Variants in ENOX1 observed in about 807,000 individuals in gnomAD.
ENOX1 encodes the protein ecto-NOX disulfide-thiol exchanger 1, also known as candidate growth-related and time keeping constitutive hydroquinone (NADH) oxidase.
In ENOX1, 42 loss-of-function variants were observed where a neutral mutation model predicts 82.5. That is an observed-to-expected ratio of 0.51 (90% CI 0.40 to 0.66). The LOEUF (loss-of-function observed/expected upper bound fraction) is 0.66, where lower values mean the gene tolerates loss of function less well. Ranked by LOEUF, ENOX1 falls within the 30% of genes least tolerant of loss-of-function variation. The pLI is 0.00. For synonymous variants in ENOX1, 271 were observed against 282.2 expected (o/e 0.96, Z 0.40); for missense variants, 608 against 811.6 (o/e 0.75, Z 3.05).
intron 2 of ENOX1, among the ~76,000 whole-genome samples, chr13:43,506,530 T>G (rs1457198432): frequency 7.3e-6 from 1 of 137,318 alleles, no homozygotes; most frequent in African/African-American, 2.6e-5. Context: ...TAAAGACACA[T>G]GCACACATAT....
intron 10 of ENOX1, among the ~76,000 whole-genome samples, chr13:43,323,923 A>G (rs1048340736): frequency 1.3e-5 from 2 of 152,186 alleles, no homozygotes; most frequent in Non-Finnish European, 1.5e-5. Context: ...TGAATGGTCA[A>G]CTCTGTACCC....
chr13:43,578,748 C>A (rs1444720837), intron 2 of ENOX1, among the ~76,000 whole-genome samples: 1 of 152,140 alleles, frequency 6.6e-6, no homozygotes, highest in African/African-American at 2.4e-5. Flanking sequence ...TTGTCTGCAA[C>A]CACCCTTAGC....
In ENOX1 at chr13:43,569,496, C is replaced by T. The variant is rs76820886; in HGVS notation, c.-218-85344G>A. Reference sequence around the variant, plus strand: ...AGAGACCTATGTTCTCTTCTTGAAACCTTTGACTTCATTGTAGCTCACAGA... The same window carrying T: ...AGAGACCTATGTTCTCTTCTTGAAATCTTTGACTTCATTGTAGCTCACAGA... On this transcript the variant is annotated intron_variant, in intron 2 of 16. Transcript: ENST00000690772. 4.2e-3 allele frequency among the ~76,000 whole-genome samples: 640 copies of T among 152,256 alleles called. 20 individuals are homozygous for T. The highest frequency in any genetic ancestry group is 0.038 in the Admixed American group (577 of 15,292).
At chr13:43,348,020 C>A (rs2049505390) in intron 8 of ENOX1, among the ~76,000 whole-genome samples, 1 of 152,172 alleles carries the variant, frequency 6.6e-6, no homozygotes, top group Non-Finnish European at 1.5e-5. Context: ...TCCCTTCCAT[C>A]CGTCCGTCCC....
chr13:43,695,627 C>T (rs686244), intron 1 of ENOX1, among the ~76,000 whole-genome samples: 139,324 of 151,872 alleles, frequency 0.92, 64,193 homozygotes, highest in East Asian at 1. Flanking sequence ...TGTGTATTTT[C>T]AGTAGAGACG....
intron 9 of ENOX1, among the ~76,000 whole-genome samples, chr13:43,340,399 C>G (rs898843906): frequency 1.3e-5 from 2 of 152,236 alleles, no homozygotes; most frequent in African/African-American, 4.8e-5. Flanking sequence ...GATGTGTACA[C>G]CGTGGCCAGC....
At position 43,237,669 on chromosome 13, in the gene ENOX1, C is replaced by T. The variant is rs550689699; in HGVS notation, c.1612-931G>A. On this transcript the variant is annotated intron_variant, in intron 14 of 16. Transcript: ENST00000690772. ...TTGAACAAATGTGTTGACAGGTGTC[C>T]CTAGAACTGGAAGTGGTTATAGGAG... Among the ~76,000 whole-genome samples, 6 of 152,174 alleles carry T rather than the reference C, an allele frequency of 3.9e-5. No individual in the cohort carries two copies. In the East Asian group the frequency reaches 1.2e-3, roughly 29 times the overall value.
chr13:43,565,225 G>A (rs535561056), intron 2 of ENOX1, among the ~76,000 whole-genome samples: 1 of 152,076 alleles, frequency 6.6e-6, no homozygotes. Context: ...CCCTGGCAGA[G>A]GGAACAGCAA....
intron 1 of ENOX1, among the ~76,000 whole-genome samples, chr13:43,685,230 T>G (rs1480920778): frequency 6.6e-6 from 1 of 152,188 alleles, no homozygotes; most frequent in African/African-American, 2.4e-5. Context: ...CCGCATTTTC[T>G]GCACAAAGTC....
At chr13:43,561,645 GTA>G (rs2079674983) in intron 2 of ENOX1, among the ~76,000 whole-genome samples, 3 of 152,090 alleles carry the variant, frequency 2.0e-5, no homozygotes, top group Admixed American at 6.5e-5. Context: ...AATCAAGTAA[GTA>G]TTAGTACTAC....
At position 43,613,788 on chromosome 13, in the gene ENOX1, G is replaced by A. The variant is rs537367343; in HGVS notation, c.-219+53691C>T. Among the ~76,000 whole-genome samples, 26 of 152,076 alleles carry A rather than the reference G, an allele frequency of 1.7e-4. No homozygotes were observed. The South Asian group carries it at 4.8e-3, about 28-fold the overall frequency. On this transcript the variant is annotated intron_variant, in intron 2 of 16. Coordinates refer to ENST00000690772, the MANE Select transcript of ENOX1 (RefSeq NM_001347969.2). ...TCTACTAAAATACCAAAAATTAGCC[G>A]GGCATGGTGGTAGGTGCCTGTAGTC...
chr13:43,658,878 T>C (rs7327129), intron 2 of ENOX1, among the ~76,000 whole-genome samples: 51,801 of 151,974 alleles, frequency 0.34, 9,131 homozygotes, highest in Non-Finnish European at 0.39. Context: ...TGTTGTAAAG[T>C]TTCATGATCA....
At chr13:43,332,529 T>C (rs1213348861) in intron 9 of ENOX1, among the ~76,000 whole-genome samples, 1 of 152,124 alleles carries the variant, frequency 6.6e-6, no homozygotes, top group Non-Finnish European at 1.5e-5. Context: ...AAGAGAAGCC[T>C]ACTGATCACA....
chr13:43,432,193 T>C (rs2055712889), intron 3 of ENOX1, among the ~76,000 whole-genome samples: 1 of 152,174 alleles, frequency 6.6e-6, no homozygotes, highest in Admixed American at 6.5e-5. Flanking sequence ...TCTATGGCAG[T>C]CGTCTCCTGA....
chr13:43,271,988 G>A (rs1054454795), intron 12 of ENOX1, among the ~76,000 whole-genome samples: 7 of 151,516 alleles, frequency 4.6e-5, no homozygotes, highest in Non-Finnish European at 8.8e-5. Context: ...CTATTTTTTT[G>A]TTAATGAATT....
At chr13:43,441,099 C>T (rs937620452) in intron 3 of ENOX1, among the ~76,000 whole-genome samples, 2 of 152,166 alleles carry the variant, frequency 1.3e-5, no homozygotes, top group African/African-American at 2.4e-5. Flanking sequence ...GACTGAAGAT[C>T]TGTCCTACTG....
Position 43,719,658 on chromosome 13 carries a change from T to C in ENOX1, c.-284-52114A>G, listed in dbSNP as rs114563655. Among the ~76,000 whole-genome samples, 821 of 152,168 alleles carry C rather than the reference T, an allele frequency of 5.4e-3. 5 individuals carry two copies. Among genetic ancestry groups the C allele is most frequent in the African/African-American group, 0.019 (777 of 41,512 alleles). Reference sequence around the variant, plus strand: ...AAAGGAACTAACCACCAGAGAACCCTAACGTAGCGCACCAAGTGTGGACAG... The same window carrying C: ...AAAGGAACTAACCACCAGAGAACCCCAACGTAGCGCACCAAGTGTGGACAG... On this transcript the variant is annotated intron_variant, in intron 1 of 16. Transcript: ENST00000690772.
intron 2 of ENOX1, among the ~76,000 whole-genome samples, chr13:43,532,052 T>C (rs1285364193): frequency 6.6e-6 from 1 of 152,048 alleles, no homozygotes; most frequent in East Asian, 1.9e-4. Context: ...TGTGCACATG[T>C]ACCCTAAAAC....
chr13:43,336,001 C>T (rs1451256126), intron 9 of ENOX1, among the ~76,000 whole-genome samples: 1 of 152,136 alleles, frequency 6.6e-6, no homozygotes, highest in African/African-American at 2.4e-5. Context: ...ATACAGCCAT[C>T]AGTACAATTT....
Sources: allele counts gnomAD v4.1 joint callset (sites outside exome capture counted in the v4.1 genomes callset), GRCh38; gene constraint gnomAD v4.1.1; transcripts MANE v1.5; gene names NCBI Gene and HGNC (gene_info 2026-07-23, HGNC 2026-07-21).